LAMB1: variants seen among roughly 807,000 people sequenced by gnomAD.
LAMB1 encodes laminin subunit beta 1, also known as laminin subunit beta-1.
In LAMB1, 121 loss-of-function variants were observed where a neutral mutation model predicts 222.3. The ratio of observed to expected loss-of-function variants is 0.54; its 90% CI spans 0.47 to 0.63. The LOEUF (loss-of-function observed/expected upper bound fraction) is 0.63, where lower values mean the gene tolerates loss of function less well. LAMB1 is among the 30% of genes least tolerant of loss of function. The pLI, the probability that LAMB1 is intolerant of heterozygous loss-of-function variation, is 0.00. For synonymous variants in LAMB1, 794 were observed against 807.2 expected (o/e 0.98, Z 0.28); for missense variants, 2,172 against 2,240.8 (o/e 0.97, Z 0.62).
rs145742170 is a variant in LAMB1, at chr7:107,996,410, G to A, written c.350-1450C>T. Among the ~76,000 whole-genome samples, 525 of 152,210 alleles carry A rather than the reference G, an allele frequency of 3.4e-3. 2 individuals are homozygous for A. The highest frequency in any genetic ancestry group is 0.012 in the African/African-American group (494 of 41,540). ...ATCATCACGATGGGTAAAAATAGTC[G>A]TACATTCCAAGCTCGTTTCTGTGCC... On this transcript the variant is annotated intron_variant, in intron 4 of 33. Coordinates refer to ENST00000222399, the MANE Select transcript of LAMB1 (RefSeq NM_002291.3).
At chr7:107,977,186 G>A (rs537694702) in intron 9 of LAMB1, among the ~76,000 whole-genome samples, 2 of 124,878 alleles carry the variant, frequency 1.6e-5, no homozygotes, top group Admixed American at 8.1e-5. Context: ...AGCAAGCCTT[G>A]ACCACTCCAG....
rs532706671 is a variant in LAMB1, at chr7:107,964,776, A to G, written c.1563-89T>C. 9.0e-5 allele frequency: 127 copies of G among 1,406,212 alleles called. No homozygotes were observed. The African/African-American group carries it at 1.7e-3, about 19-fold the overall frequency. 87.1% of individuals were successfully genotyped at this position (1,406,212 alleles called of 1,614,324 possible). On this transcript the variant is annotated intron_variant, in intron 13 of 33. Coordinates refer to ENST00000222399, the MANE Select transcript of LAMB1 (RefSeq NM_002291.3). Reference sequence around the variant, plus strand: ...AGCTCTACAGCTGCCATTACTCAGTACACAGGACCAAATACATAGCATGTT... The same window carrying G: ...AGCTCTACAGCTGCCATTACTCAGTGCACAGGACCAAATACATAGCATGTT...
rs766558780 is a variant in LAMB1 at position 107,926,291 on chromosome 7, C to G, written c.4956G>C (p.Glu1652Asp). The G allele has an allele frequency of 1.2e-6, 2 of 1,613,902 alleles. No homozygotes were observed. The highest frequency in any genetic ancestry group is 2.7e-5 in the African/African-American group (2 of 74,924). ...TCCGCTTAAGTTCTTCCACATTCCT[C>G]TCTAACTCGCTGATGCGCTGGGACG... is the stretch of plus-strand genomic sequence containing the variant. ...FNASQRISEL[E>D]RNVEELKRKA... is the part of the protein sequence containing the mutation. Residue 1652 changes from glutamate to aspartate, a missense_variant, in exon 32 of 34, where the codon GAG becomes GAC. Physicochemically the swap from Glu to Asp is conservative, Grantham distance 45 (BLOSUM62 2). Coordinates refer to ENST00000222399, the MANE Select transcript of LAMB1 (RefSeq NM_002291.3).
In LAMB1 at chr7:107,998,551, T is replaced by C; in HGVS notation, c.214-59A>G. On this transcript the variant is annotated intron_variant, in intron 3 of 33. Coordinates refer to ENST00000222399, the MANE Select transcript of LAMB1 (RefSeq NM_002291.3). The stretch of plus-strand genomic sequence containing the variant: ...GCAATCTCATTAAAAACATTTTTAA[T>C]TAAAAAAACCCCATGAAGCTCCTAA... The C allele has an allele frequency of 2.7e-6, 4 of 1,477,380 alleles. No individual in the cohort carries two copies. The South Asian group carries it at 5.2e-5, about 19-fold the overall frequency. 91.5% of individuals were successfully genotyped at this position (1,477,380 alleles called of 1,614,324 possible).
Position 107,940,178 on chromosome 7 carries a change from G to A in LAMB1, c.3572C>T (p.Ala1191Val), listed in dbSNP as rs763229331. 8 of 1,614,130 alleles carry A rather than the reference G, an allele frequency of 5.0e-6. No homozygotes were observed. The highest frequency in any genetic ancestry group is 1.1e-5 in the South Asian group (1 of 91,076). The change falls in exon 25 of 34, where the codon GCC (alanine) becomes GTC (valine). Residue 1191 changes from alanine to valine, a missense_variant. Ala to Val is a moderately conservative substitution (Grantham distance 64, BLOSUM62 0). Transcript: ENST00000222399. ...QCFALWDVII[A>V]ELTNRTHRFL... Reference sequence around the variant, plus strand: ...TCTGTGTGTCCTGTTGGTCAGCTCGGCAATGATCACATCCCAGAGAGCAAA... The same window carrying A: ...TCTGTGTGTCCTGTTGGTCAGCTCGACAATGATCACATCCCAGAGAGCAAA...
chr7:107,947,640 G>A (rs976617320), intron 24 of LAMB1, among the ~76,000 whole-genome samples: 1 of 152,162 alleles, frequency 6.6e-6, no homozygotes, highest in African/African-American at 2.4e-5. Flanking sequence ...CCCATAGCTG[G>A]CCATGAATCA....
chr7:107,999,087 G>C (rs1299048306), intron 3 of LAMB1, among the ~76,000 whole-genome samples: 2 of 152,346 alleles, frequency 1.3e-5, no homozygotes, highest in Non-Finnish European at 1.5e-5. Flanking sequence ...GGGAGGACCA[G>C]GCTGTTGGGA....
At chr7:107,934,997 G>C (rs995727266) in intron 27 of LAMB1, among the ~76,000 whole-genome samples, 1 of 151,804 alleles carries the variant, frequency 6.6e-6, no homozygotes, top group Non-Finnish European at 1.5e-5. Context: ...GAGGAGGATT[G>C]CTGGAGACCC....
chr7:107,991,588 C>CAA (rs985284673), intron 5 of LAMB1, among the ~76,000 whole-genome samples: 7 of 119,588 alleles, frequency 5.9e-5, no homozygotes, highest in Admixed American at 8.6e-5. Flanking sequence ...ACTCCATCCT[C>CAA]AAAAAAAAAA....
At position 107,940,085 on chromosome 7, in the gene LAMB1, G is replaced by A. The variant is rs1448067860; in HGVS notation, c.3665C>T (p.Ser1222Leu). ...VIGPYRETVDSVERKVSEIKD... is the reference protein window; with the variant it reads ...VIGPYRETVDLVERKVSEIKD... ...TATCTCGCTGACTTTCCTCTCCACC[G>A]AGTCCACAGTCTCACGGTAAGGCCC... Residue 1222 changes from serine to leucine, a missense_variant, in exon 25 of 34, where the codon TCG becomes TTG. Physicochemically the swap from Ser to Leu is moderately radical, Grantham distance 145. Coordinates refer to ENST00000222399, the MANE Select transcript of LAMB1 (RefSeq NM_002291.3). 1.7e-5 allele frequency: 27 copies of A among 1,613,908 alleles called. No homozygotes were observed. The highest frequency in any genetic ancestry group is 8.3e-5 in the Admixed American group (5 of 59,994).
At chr7:107,962,246 T>A (rs2033521003) in intron 15 of LAMB1, among the ~76,000 whole-genome samples, 1 of 152,212 alleles carries the variant, frequency 6.6e-6, no homozygotes, top group African/African-American at 2.4e-5. Context: ...ATCTCTCTGC[T>A]GTTACACCGT....
intron 31 of LAMB1, among the ~76,000 whole-genome samples, chr7:107,927,865 G>C (rs2032601415): frequency 6.6e-6 from 1 of 152,136 alleles, no homozygotes; most frequent in African/African-American, 2.4e-5. Flanking sequence ...GGGGAACACA[G>C]GTTTTTACCA....
In LAMB1 at chr7:107,980,771, T is replaced by A; in HGVS notation, c.717A>T (p.Lys239Asn). The A allele has an allele frequency of 6.2e-7, 1 of 1,612,036 alleles. No individual in the cohort carries two copies. Among genetic ancestry groups the A allele is most frequent in the Non-Finnish European group, 8.5e-7 (1 of 1,178,108 alleles). The change falls in exon 8 of 34, where the codon AAA (lysine) becomes AAT (asparagine). Residue 239 changes from lysine to asparagine, a missense_variant. By Grantham distance (94) the Lys-to-Asn change is moderately conservative (BLOSUM62 0). Coordinates refer to ENST00000222399, the MANE Select transcript of LAMB1 (RefSeq NM_002291.3). ...GAAGGTTATCTCCCAAAGTATGCAGTTTCACAAACTTGATTCTCAAGTTGG... is the reference window on the plus strand; with the variant it reads ...GAAGGTTATCTCCCAAAGTATGCAGATTCACAAACTTGATTCTCAAGTTGG... ...KITNLRIKFV[K>N]LHTLGDNLLD...
chr7:107,935,452 T>G lies in LAMB1; in HGVS notation c.4151A>C (p.Lys1384Thr). ...QARLLDELAG[K>T]LQSLDLSAAA... Reference sequence around the variant, plus strand: ...GGCTGAAAGGTCTAGGCTTTGTAGCTTGCCTGCCAGTTCATCAAGGAGGCG... The same window carrying G: ...GGCTGAAAGGTCTAGGCTTTGTAGCGTGCCTGCCAGTTCATCAAGGAGGCG... The change falls in exon 27 of 34, where the codon AAG (lysine) becomes ACG (threonine). Residue 1384 changes from lysine (K) to threonine (T), a missense_variant. Coordinates refer to ENST00000222399, the MANE Select transcript of LAMB1 (RefSeq NM_002291.3). The G allele has an allele frequency of 6.2e-7, 1 of 1,610,040 alleles. No individual in the cohort carries two copies. Among genetic ancestry groups the G allele is most frequent in the African/African-American group, 1.4e-5 (1 of 73,996 alleles).
rs758524396 is a variant in LAMB1, at chr7:107,931,515, T to C, written c.4393-15A>G. 44 of 1,610,038 alleles carry C rather than the reference T, an allele frequency of 2.7e-5. No individual in the cohort carries two copies. In the South Asian group the frequency reaches 4.9e-4, roughly 18 times the overall value. On this transcript the variant is annotated splice_polypyrimidine_tract_variant and intron_variant, in intron 28 of 33. Coordinates refer to ENST00000222399, the MANE Select transcript of LAMB1 (RefSeq NM_002291.3). ...GCTTCAGAGACCTAAATATGAAGAATAAATTACCCAGGGAAGACTTTCATT... is the reference window on the plus strand; with the variant it reads ...GCTTCAGAGACCTAAATATGAAGAACAAATTACCCAGGGAAGACTTTCATT...
In LAMB1 at chr7:107,951,240, T is replaced by C. The variant is rs553286941; in HGVS notation, c.3377A>G (p.Asp1126Gly). The C allele has an allele frequency of 1.2e-4, 194 of 1,614,124 alleles. 4 individuals carry two copies. The South Asian group carries it at 2.0e-3, about 17-fold the overall frequency. The change falls in exon 24 of 34, where the codon GAC (aspartate) becomes GGC (glycine). Residue 1126 changes from aspartate to glycine, a missense_variant. By Grantham distance (94) the Asp-to-Gly change is moderately conservative. Transcript: ENST00000222399. ...CCACAACTCACCTCGGCACTCCACG[T>C]CGGGGTCTCCCCAGAAGAGTTCCTG... The part of the protein sequence containing the change: ...ECQELFWGDP[D>G]VECRACDCDP...
In LAMB1 at chr7:107,950,974, A is replaced by C. The variant is rs376082482; in HGVS notation, c.3391+252T>G. 16 of 412,454 alleles carry C rather than the reference A, an allele frequency of 3.9e-5. No homozygotes were observed. The East Asian group carries it at 7.1e-4, about 18-fold the overall frequency. 25.5% of individuals were successfully genotyped at this position (412,454 alleles called of 1,614,324 possible). A position where few individuals can be genotyped will look rare whatever the true frequency, so the allele number is the denominator to read the frequency against. The stretch of plus-strand genomic sequence containing the variant: ...TGTGTGTGTGTGTGCTTACACACAG[A>C]AACAAACTTTACCCCAGGGTGTGAG... On this transcript the variant is annotated intron_variant, in intron 24 of 33. Coordinates refer to ENST00000222399, the MANE Select transcript of LAMB1 (RefSeq NM_002291.3).
At chr7:107,931,786 G>T in intron 28 of LAMB1, 1 of 473,700 alleles carries the variant, frequency 2.1e-6, no homozygotes, top group Non-Finnish European at 3.7e-6. Context: ...TTTTTCTCAG[G>T]TGCCCACATA....
chr7:107,978,069 G>T lies in LAMB1; in HGVS notation c.978C>A (p.Gly326=). 6.2e-7 allele frequency: 1 copy of T among 1,614,104 alleles called. No homozygotes were observed. Among genetic ancestry groups the T allele is most frequent in the Non-Finnish European group, 8.5e-7 (1 of 1,180,006 alleles). ...TACTTTTACAGGCGTTGCTGTTTCG[G>T]CCTTCAGCAGGTCTCCAAGGTAAAT... is the stretch of plus-strand genomic sequence containing the variant. ...YHDLPWRPAE[G]RNSNACKKCN... The change falls in exon 9 of 34, where the codon GGC becomes GGA. Residue 326 remains glycine, a synonymous_variant. Coordinates refer to ENST00000222399, the MANE Select transcript of LAMB1 (RefSeq NM_002291.3).
Sources: gnomAD v4.1 joint callset for allele counts (sites outside exome capture counted in the v4.1 genomes callset) on GRCh38, gnomAD v4.1.1 for gene constraint, MANE v1.5 for transcripts, NCBI Gene and HGNC (gene_info 2026-07-23, HGNC 2026-07-21) for gene names.